CACNA2D1: variants seen among roughly 807,000 people sequenced by gnomAD.
CACNA2D1 encodes the protein voltage-dependent calcium channel subunit alpha-2/delta-1.
Under a neutral mutation model 171.5 loss-of-function variants are expected in CACNA2D1, and 53 were observed. The observed-to-expected ratio is 0.31, with a 90% CI of 0.25 to 0.39. The LOEUF is 0.39. Ranked by LOEUF, CACNA2D1 falls within the 10% of genes least tolerant of loss-of-function variation. The pLI, the probability that CACNA2D1 is intolerant of heterozygous loss-of-function variation, is 1.00. For missense variants in CACNA2D1, 903 were observed against 1,299.8 expected (o/e 0.69, Z 4.69); for synonymous variants, 442 against 443.1 (o/e 1.00, Z 0.03).
intron 3 of CACNA2D1, among the ~76,000 whole-genome samples, chr7:82,246,912 A>G (rs1204849951): frequency 6.6e-6 from 1 of 152,122 alleles, no homozygotes; most frequent in East Asian, 1.9e-4. Context: ...ACACACTTAA[A>G]GAAGACACCC....
At chr7:82,100,932 T>C (rs1812603174) in intron 6 of CACNA2D1, among the ~76,000 whole-genome samples, 1 of 152,006 alleles carries the variant, frequency 6.6e-6, no homozygotes, top group South Asian at 2.1e-4. Context: ...AGTAAGACCA[T>C]AATTTTGTGG....
chr7:81,959,909 TAAAATG>T (rs1793902918), intron 36 of CACNA2D1, 80 bp from the exon 37 acceptor site: 1 of 1,533,954 alleles, frequency 6.5e-7, no homozygotes, highest in Non-Finnish European at 8.8e-7. Flanking sequence ...TCTTACATAT[TAAAATG>T]AAAGACAAAA....
At chr7:82,142,336 T>C (rs1463349303) in intron 4 of CACNA2D1, among the ~76,000 whole-genome samples, 1 of 152,204 alleles carries the variant, frequency 6.6e-6, no homozygotes, top group Non-Finnish European at 1.5e-5. Context: ...TAAATTACTT[T>C]AGTCCCACAT....
rs145879572 is a variant in CACNA2D1 at position 82,281,212 on chromosome 7, G to C, written c.294+53923C>G. ...TTTTCTTCCTCACACCACTACTGAA[G>C]AGACTTGAGCTTTGCATTGATAAGA... is the stretch of plus-strand genomic sequence containing the variant. On this transcript the variant is annotated intron_variant, in intron 3 of 38. Transcript: ENST00000356860. Among the ~76,000 whole-genome samples the C allele has an allele frequency of 5.7e-4, 87 of 152,306 alleles. 1 individual carries two copies. Among genetic ancestry groups the C allele is most frequent in the African/African-American group, 2.0e-3 (84 of 41,568 alleles).
intron 3 of CACNA2D1, among the ~76,000 whole-genome samples, chr7:82,228,555 A>G (rs1328584324): frequency 1.3e-5 from 2 of 152,132 alleles, no homozygotes; most frequent in African/African-American, 4.8e-5. Flanking sequence ...CTGAATTTTG[A>G]AATTGTGAAT....
At chr7:82,307,064 C>A (rs1486152196) in intron 3 of CACNA2D1, among the ~76,000 whole-genome samples, 1 of 152,150 alleles carries the variant, frequency 6.6e-6, no homozygotes, top group Non-Finnish European at 1.5e-5. Context: ...CCCACAGCTG[C>A]AGCCAAGGTT....
chr7:82,234,396 C>A (rs913920485), intron 3 of CACNA2D1, among the ~76,000 whole-genome samples: 5 of 151,934 alleles, frequency 3.3e-5, no homozygotes, highest in Admixed American at 2.0e-4. Flanking sequence ...ACTAAAATGT[C>A]ACAGAGGGTA....
At chr7:82,094,811 C>G (rs1402572675) in intron 6 of CACNA2D1, among the ~76,000 whole-genome samples, 1 of 146,198 alleles carries the variant, frequency 6.8e-6, no homozygotes, top group African/African-American at 2.6e-5. Flanking sequence ...GGTAAACAAC[C>G]AAGTCATGTC....
chr7:82,437,621 T>C (rs1394605664), intron 1 of CACNA2D1, among the ~76,000 whole-genome samples: 1 of 152,200 alleles, frequency 6.6e-6, no homozygotes, highest in African/African-American at 2.4e-5. Context: ...TTCTGAATTA[T>C]TGAAATTAAC....
At chr7:82,072,331 C>A (rs998978989) in intron 7 of CACNA2D1, among the ~76,000 whole-genome samples, 11 of 151,876 alleles carry the variant, frequency 7.2e-5, no homozygotes, top group African/African-American at 2.7e-4. Flanking sequence ...AAATTATATA[C>A]CTGCTATGTG....
At chr7:81,997,436 A>G (rs1798159535) in intron 18 of CACNA2D1, among the ~76,000 whole-genome samples, 186 bp from the exon 19 acceptor site, 1 of 150,852 alleles carries the variant, frequency 6.6e-6, no homozygotes, top group African/African-American at 2.4e-5. Flanking sequence ...CTAGAGATTG[A>G]GCTTTAAGTG....
chr7:82,439,273 A>G (rs1316917922), intron 1 of CACNA2D1, among the ~76,000 whole-genome samples: 1 of 152,046 alleles, frequency 6.6e-6, no homozygotes, highest in Non-Finnish European at 1.5e-5. Context: ...TATATATACT[A>G]AATTTTAGCA....
intron 5 of CACNA2D1, among the ~76,000 whole-genome samples, chr7:82,130,791 CTTTTTTTTTT>C (rs71093363): frequency 1.3e-3 from 140 of 105,866 alleles, no homozygotes; most frequent in African/African-American, 5.4e-3. Context: ...TTGTTTTTGT[CTTTTTTTTTT>C]TTTTTTTTTT....
chr7:82,195,526 T>C (rs998718101), intron 3 of CACNA2D1, among the ~76,000 whole-genome samples: 1 of 151,984 alleles, frequency 6.6e-6, no homozygotes, highest in Non-Finnish European at 1.5e-5. Flanking sequence ...GAACTGGATT[T>C]TTGTTTTTAG....
At chr7:82,052,939 A>G (rs1479392841) in intron 10 of CACNA2D1, among the ~76,000 whole-genome samples, 3 of 152,136 alleles carry the variant, frequency 2.0e-5, no homozygotes, top group Middle Eastern at 3.2e-3. Context: ...TACTATGAAA[A>G]ACACTTAGAA....
chr7:81,983,232 A>G, intron 23 of CACNA2D1, 82 bp downstream of exon 23: 1 of 1,169,884 alleles, frequency 8.5e-7, no homozygotes, highest in Non-Finnish European at 1.3e-6. Flanking sequence ...CACAGAGGAT[A>G]ATATCCAATA....
At chr7:81,963,324 G>A (rs1794358405) in intron 34 of CACNA2D1, among the ~76,000 whole-genome samples, 1 of 151,710 alleles carries the variant, frequency 6.6e-6, no homozygotes, top group African/African-American at 2.4e-5. Flanking sequence ...TAATCTACAT[G>A]GAATAGGGCT....
At chr7:81,997,394 T>A (rs1798154887) in intron 18 of CACNA2D1, 144 bp from the exon 19 acceptor site, 1 of 441,502 alleles carries the variant, frequency 2.3e-6, no homozygotes, top group Admixed American at 3.6e-5. Flanking sequence ...TTCATATATA[T>A]TTTATATATA....
intron 5 of CACNA2D1, among the ~76,000 whole-genome samples, chr7:82,130,854 T>C (rs1429196067): frequency 1.4e-5 from 2 of 146,074 alleles, no homozygotes; most frequent in African/African-American, 5.1e-5. Context: ...TGGAGTGCAG[T>C]GGCACAATCT....
Sources: allele counts gnomAD v4.1 joint callset (sites outside exome capture counted in the v4.1 genomes callset), GRCh38; gene constraint gnomAD v4.1.1; transcripts MANE v1.5; gene names NCBI Gene and HGNC (gene_info 2026-07-23, HGNC 2026-07-21).